The following CC2D2A variants were observed in gnomAD, a reference collection of about 807,000 sequenced individuals.
The protein encoded by CC2D2A is coiled-coil and C2 domain containing 2A.
Under a neutral mutation model 212.9 loss-of-function variants are expected in CC2D2A, and 155 were observed. The ratio of observed to expected loss-of-function variants is 0.73; its 90% CI spans 0.64 to 0.83. CC2D2A has a LOEUF of 0.83. CC2D2A is among the 40% of genes least tolerant of loss of function. The pLI is 0.00. For missense variants in CC2D2A, 1,856 were observed against 1,956.2 expected, an observed-to-expected ratio of 0.95 and a Z score of 0.97; for synonymous variants, 667 against 686.5, an observed-to-expected ratio of 0.97 and a Z score of 0.44.
Position 15,510,252 on chromosome 4 carries a change from T to C in CC2D2A, c.540+12T>C. ...AGCCTAAACCCCAGGTGAGAAATCT[T>C]GTTTTTTAAAATCATTTGTTTGTTT... On this transcript the variant is annotated intron_variant, in intron 7 of 36. Transcript: ENST00000424120. 1.2e-6 allele frequency: 2 copies of C among 1,602,046 alleles called. No homozygotes were observed. Among genetic ancestry groups the C allele is most frequent in the African/African-American group, 1.3e-5 (1 of 74,426 alleles).
At chr4:15,483,315 T>C (rs768262983) in intron 4 of CC2D2A, among the ~76,000 whole-genome samples, 1 of 152,096 alleles carries the variant, frequency 6.6e-6, no homozygotes, top group Non-Finnish European at 1.5e-5. Context: ...CCTCCACATA[T>C]GGAGGAGTCT....
rs568878382 is a variant in CC2D2A at position 15,594,423 on chromosome 4, T to A, written c.4315-1662T>A. On this transcript the variant is annotated intron_variant, in intron 33 of 36. Coordinates refer to ENST00000424120, the MANE Select transcript of CC2D2A (RefSeq NM_001378615.1). ...CTGGGGAGGTTCTGCTAATTGAGGC[T>A]GGGCAACTCTGCTGCAAGTTGTGGT... Among the ~76,000 whole-genome samples the A allele has an allele frequency of 1.2e-4, 18 of 152,250 alleles. No individual in the cohort carries two copies. The South Asian group carries it at 3.7e-3, about 32-fold the overall frequency.
At chr4:15,536,825 T>A in intron 14 of CC2D2A, 95 bp from the exon 15 acceptor site, 1 of 1,152,924 alleles carries the variant, frequency 8.7e-7, no homozygotes, top group South Asian at 1.6e-5. Flanking sequence ...GAAGAGGAAC[T>A]GGCACATAGC....
chr4:15,575,609 G>C (rs972747585), intron 29 of CC2D2A, among the ~76,000 whole-genome samples: 1 of 152,094 alleles, frequency 6.6e-6, no homozygotes, highest in Non-Finnish European at 1.5e-5. Flanking sequence ...TTACAATTTG[G>C]TTCCCAGAGA....
chr4:15,587,071 T>C (rs1720885056), intron 31 of CC2D2A, among the ~76,000 whole-genome samples: 1 of 152,242 alleles, frequency 6.6e-6, no homozygotes, highest in African/African-American at 2.4e-5. Flanking sequence ...TTTTGTAGAA[T>C]ACAATTTTTC....
intron 6 of CC2D2A, among the ~76,000 whole-genome samples, chr4:15,508,867 T>C (rs1270592837): frequency 1.3e-5 from 2 of 152,210 alleles, no homozygotes; most frequent in African/African-American, 2.4e-5. Context: ...ATAAGTATGT[T>C]CCTTCTTGCC....
chr4:15,511,328 G>A lies in CC2D2A; in HGVS notation c.622G>A (p.Glu208Lys). The change falls in exon 8 of 37, where the codon GAA becomes AAA. Residue 208 changes from glutamate to lysine, a missense_variant. Transcript: ENST00000424120. ...TGATCCCGAACCAGAAGGATCAGAG[G>A]AAAAACCAAAAGCAAGACATAGAGC... ...NFDPEPEGSE[E>K]KPKARHRAGT... 6 of 1,599,946 alleles carry A rather than the reference G, an allele frequency of 3.8e-6. No homozygotes were observed. The highest frequency in any genetic ancestry group is 5.1e-6 in the Non-Finnish European group (6 of 1,174,964).
rs767331450 is a variant in CC2D2A, at chr4:15,502,842, G to A, written c.357G>A (p.Leu119=). 6 of 1,610,822 alleles carry A rather than the reference G, an allele frequency of 3.7e-6. No homozygotes were observed. Among genetic ancestry groups the A allele is most frequent in the South Asian group, 2.2e-5 (2 of 90,142 alleles). Residue 119 remains leucine, a synonymous_variant, in exon 6 of 37, where the codon TTG becomes TTA. Transcript: ENST00000424120. ...TTTAGTCCAAAGCAGAAAGTGCATT[G>A]CTGCAGGAAATCCCCACTCCTCGGC... is the stretch of plus-strand genomic sequence containing the variant. ...QAARSKAESA[L]LQEIPTPRPR... is the part of the protein sequence containing the mutation.
rs573048171 is a variant in CC2D2A at position 15,598,036 on chromosome 4, CCT to C, written c.4496+574_4496+575del. The stretch of plus-strand genomic sequence containing the variant: ...TTCTACTGTATTAAGCTGTGTGACC[CCT>C]CTTGAGGCATTATTACTAGAAAATA... On this transcript the variant is annotated intron_variant, in intron 35 of 36. Coordinates refer to ENST00000424120, the MANE Select transcript of CC2D2A (RefSeq NM_001378615.1). Among the ~76,000 whole-genome samples, 16 of 152,294 alleles carry C rather than the reference CCT, an allele frequency of 1.1e-4. No individual in the cohort carries two copies. The South Asian group carries it at 3.3e-3, about 32-fold the overall frequency.
intron 33 of CC2D2A, among the ~76,000 whole-genome samples, chr4:15,594,193 A>G (rs1045671414): frequency 2.0e-5 from 3 of 152,142 alleles, no homozygotes; most frequent in Non-Finnish European, 4.4e-5. Flanking sequence ...CCCTTACTGG[A>G]TATCATCATA....
intron 21 of CC2D2A, among the ~76,000 whole-genome samples, chr4:15,558,504 G>A (rs974308100): frequency 6.6e-6 from 1 of 151,944 alleles, no homozygotes; most frequent in African/African-American, 2.4e-5. Flanking sequence ...TGATGTGTTG[G>A]CATCATGCTC....
At chr4:15,554,306 T>C (rs1038840369) in intron 19 of CC2D2A, among the ~76,000 whole-genome samples, 2 of 152,212 alleles carry the variant, frequency 1.3e-5, no homozygotes, top group African/African-American at 4.8e-5. Context: ...AAGCCCCAGC[T>C]CAACCTTGCT....
At chr4:15,525,534 T>C (rs1043947407) in intron 11 of CC2D2A, among the ~76,000 whole-genome samples, 8 of 151,468 alleles carry the variant, frequency 5.3e-5, no homozygotes, top group African/African-American at 1.9e-4. Flanking sequence ...AAAAAAAAAA[T>C]GGCCCTCCAT....
chr4:15,524,348 G>T (rs376246048), intron 11 of CC2D2A, among the ~76,000 whole-genome samples: 1 of 151,936 alleles, frequency 6.6e-6, no homozygotes, highest in African/African-American at 2.4e-5. Context: ...GGCCAGGCTG[G>T]TCTTGAATTC....
At chr4:15,497,167 G>T (rs940219869) in intron 4 of CC2D2A, among the ~76,000 whole-genome samples, 3 of 152,130 alleles carry the variant, frequency 2.0e-5, no homozygotes, top group African/African-American at 7.2e-5. Flanking sequence ...AAACTATACT[G>T]CAAGGATACG....
chr4:15,570,804 C>A (rs1720127479), intron 28 of CC2D2A, among the ~76,000 whole-genome samples: 1 of 152,164 alleles, frequency 6.6e-6, no homozygotes, highest in South Asian at 2.1e-4. Flanking sequence ...AGGAGAACTG[C>A]TTGAACCAGG....
At chr4:15,513,616 T>C (rs1401990186) in intron 8 of CC2D2A, among the ~76,000 whole-genome samples, 1 of 152,222 alleles carries the variant, frequency 6.6e-6, no homozygotes, top group Non-Finnish European at 1.5e-5. Context: ...TCAAGGTTCA[T>C]TTAGCCTTTT....
At chr4:15,507,627 G>A (rs1716337916) in intron 6 of CC2D2A, among the ~76,000 whole-genome samples, 1 of 152,170 alleles carries the variant, frequency 6.6e-6, no homozygotes, top group African/African-American at 2.4e-5. Context: ...AGGAGAAAAG[G>A]CATACACATT....
At chr4:15,555,314 T>G in intron 20 of CC2D2A, 104 bp downstream of exon 20, 1 of 1,386,750 alleles carries the variant, frequency 7.2e-7, no homozygotes, top group South Asian at 1.4e-5. Context: ...ACATGGGTGC[T>G]GGGTTGAATG....
Sources: gnomAD v4.1 joint callset for allele counts (sites outside exome capture counted in the v4.1 genomes callset) on GRCh38, gnomAD v4.1.1 for gene constraint, MANE v1.5 for transcripts, NCBI Gene and HGNC (gene_info 2026-07-23, HGNC 2026-07-21) for gene names.